The following RAB6B variants were observed in gnomAD, a reference collection of about 807,000 sequenced individuals.
RAB6B encodes the protein ras-related protein Rab-6B.
RAB6B carries 7 observed loss-of-function variants against 31.2 expected under a neutral mutation model. The ratio of observed to expected loss-of-function variants is 0.22; its 90% CI spans 0.13 to 0.42. The LOEUF (loss-of-function observed/expected upper bound fraction) is 0.42, where lower values mean the gene tolerates loss of function less well. RAB6B is among the 10% of genes least tolerant of loss of function. The pLI, the probability that RAB6B is intolerant of heterozygous loss-of-function variation, is 1.00. For synonymous variants in RAB6B, 105 were observed against 104.9 expected (o/e 1.00, Z -0.01); for missense variants, 149 against 280.6 (o/e 0.53, Z 3.35).
At chr3:133,857,063 C>T (rs1357650752) in intron 2 of RAB6B, among the ~76,000 whole-genome samples, 1 of 152,220 alleles carries the variant, frequency 6.6e-6, no homozygotes, top group African/African-American at 2.4e-5. Flanking sequence ...CACAAGTGCA[C>T]ATGCAGGGAT....
At chr3:133,838,291 C>A (rs1935771999) in intron 5 of RAB6B, 32 bp from the exon 6 acceptor site, 2 of 1,593,072 alleles carry the variant, frequency 1.3e-6, no homozygotes, top group Non-Finnish European at 1.7e-6. Flanking sequence ...GAAATCAGCT[C>A]AGCAGAGAAG....
intron 2 of RAB6B, among the ~76,000 whole-genome samples, chr3:133,859,640 G>C (rs1936130678): frequency 6.6e-6 from 1 of 152,192 alleles, no homozygotes; most frequent in Non-Finnish European, 1.5e-5. Flanking sequence ...AGAATGTGCT[G>C]ACCTGGAAAG....
intron 1 of RAB6B, among the ~76,000 whole-genome samples, chr3:133,865,367 T>C (rs1266815818): frequency 6.6e-6 from 1 of 152,232 alleles, no homozygotes; most frequent in East Asian, 1.9e-4. Flanking sequence ...AGGACGTCTC[T>C]TGGGAATCCT....
rs769213051 is a variant in RAB6B, at chr3:133,828,511, A to G, written c.*277T>C. The G allele has an allele frequency of 2.1e-6, 1 of 482,292 alleles. No individual in the cohort carries two copies. Among genetic ancestry groups the G allele is most frequent in the Non-Finnish European group, 3.6e-6 (1 of 274,384 alleles). The allele number at this position is 482,292 out of a possible 1,614,324, so 29.9% of individuals were successfully genotyped here. A position where few individuals can be genotyped will look rare whatever the true frequency, so the allele number is the denominator to read the frequency against. On this transcript the variant is annotated 3_prime_UTR_variant, in exon 8 of 8. Coordinates refer to ENST00000285208, the MANE Select transcript of RAB6B (RefSeq NM_016577.4). ...GCAAAAAATTGTATACACATGATTT[A>G]AATTTTTTTTAAATTTTAACAGTTT...
chr3:133,885,805 AT>A (rs1936537034), intron 1 of RAB6B: 1 of 589,786 alleles, frequency 1.7e-6, no homozygotes, highest in Non-Finnish European at 3.0e-6. Flanking sequence ...AAGAGAAAGA[AT>A]CAAGAAAATA....
chr3:133,833,951 T>C (rs377355650), intron 7 of RAB6B, among the ~76,000 whole-genome samples: 19 of 152,338 alleles, frequency 1.2e-4, no homozygotes, highest in African/African-American at 4.6e-4. Flanking sequence ...GAAGCAAGCC[T>C]GAGTGTGAAT....
chr3:133,871,021 C>A (rs915067298), intron 1 of RAB6B, among the ~76,000 whole-genome samples: 1 of 152,228 alleles, frequency 6.6e-6, no homozygotes, highest in African/African-American at 2.4e-5. Flanking sequence ...GGGCCCCAGG[C>A]CCCCATCTCA....
At chr3:133,878,441 A>C (rs1158537807) in intron 1 of RAB6B, among the ~76,000 whole-genome samples, 1 of 152,078 alleles carries the variant, frequency 6.6e-6, no homozygotes, top group Non-Finnish European at 1.5e-5. Flanking sequence ...TCCAGGGACA[A>C]CATCTTTCAA....
At chr3:133,895,376 G>C (rs1329381265) in intron 1 of RAB6B, 21 bp downstream of exon 1, 1 of 1,607,530 alleles carries the variant, frequency 6.2e-7, no homozygotes, top group African/African-American at 1.3e-5. Context: ...GACAAGCCAA[G>C]AGATTAAGCC....
Position 133,839,530 on chromosome 3 carries a change from T to C in RAB6B, c.377A>G (p.Asn126Ser). ...CCTCTTATCAGCCAGGTCCGTCTTGTTGCCCACCAGCATGATGATAACATC... is the reference window on the plus strand; with the variant it reads ...CCTCTTATCAGCCAGGTCCGTCTTGCTGCCCACCAGCATGATGATAACATC... ...GSDVIIMLVG[N>S]KTDLADKRQI... Residue 126 changes from asparagine (N) to serine (S), a missense_variant, in exon 5 of 8, where the codon AAC (asparagine) becomes AGC (serine). Transcript: ENST00000285208. 1 of 1,614,168 alleles carries C rather than the reference T, an allele frequency of 6.2e-7. No individual in the cohort carries two copies. Among genetic ancestry groups the C allele is most frequent in the Non-Finnish European group, 8.5e-7 (1 of 1,179,972 alleles).
At chr3:133,844,905 T>G (rs903866643) in intron 2 of RAB6B, among the ~76,000 whole-genome samples, 1 of 151,118 alleles carries the variant, frequency 6.6e-6, no homozygotes, top group Non-Finnish European at 1.5e-5. Flanking sequence ...ATGACACTAC[T>G]GTACTCCAGG....
At chr3:133,879,112 T>C (rs1049313450) in intron 1 of RAB6B, among the ~76,000 whole-genome samples, 4 of 152,200 alleles carry the variant, frequency 2.6e-5, no homozygotes, top group Non-Finnish European at 4.4e-5. Context: ...AGGACAAAAA[T>C]GCCTATCTCA....
At position 133,826,956 on chromosome 3, in the gene RAB6B, T is replaced by TATAAAAACTAAACACATGACATCTGAA. The variant is rs2107982304; in HGVS notation, c.*1805_*1831dup. ...CTCTATATATAATTATGTACACACA[T>TATAAAAACTAAACACATGACATCTGAA]ATAAAAACTAAACACATGACATCTG... is the stretch of plus-strand genomic sequence containing the variant. On this transcript the variant is annotated 3_prime_UTR_variant, in exon 8 of 8. Transcript: ENST00000285208. 6.5e-6 allele frequency: 1 copy of TATAAAAACTAAACACATGACATCTGAA among 152,788 alleles called. No homozygotes were observed. The highest frequency in any genetic ancestry group is 1.9e-4 in the East Asian group (1 of 5,186). 9.5% of individuals were successfully genotyped at this position (152,788 alleles called of 1,614,324 possible). A position where few individuals can be genotyped will look rare whatever the true frequency, so the allele number is the denominator to read the frequency against.
chr3:133,863,395 C>T (rs1936191121), intron 2 of RAB6B, among the ~76,000 whole-genome samples: 2 of 152,222 alleles, frequency 1.3e-5, no homozygotes, highest in Non-Finnish European at 2.9e-5. Flanking sequence ...TACAGAGCTG[C>T]AGTCTGCAGT....
chr3:133,885,391 G>C (rs1936532401), intron 1 of RAB6B: 2 of 695,510 alleles, frequency 2.9e-6, no homozygotes, highest in Non-Finnish European at 5.2e-6. Context: ...CCAATGGCCA[G>C]AGGATGGGCT....
intron 2 of RAB6B, among the ~76,000 whole-genome samples, chr3:133,849,304 T>C (rs1031841758): frequency 1.3e-5 from 2 of 152,240 alleles, no homozygotes; most frequent in African/African-American, 4.8e-5. Flanking sequence ...ACGAGTCATG[T>C]GCATCAGAAT....
rs1236953187 is a variant in RAB6B, at chr3:133,828,007, T to C, written c.*781A>G. ...GCACCTCGTCCTTCTGATGGCCTCT[T>C]GCTCTGCCAGTCCCTGAGGGCACAG... is the stretch of plus-strand genomic sequence containing the variant. On this transcript the variant is annotated 3_prime_UTR_variant, in exon 8 of 8. Coordinates refer to ENST00000285208, the MANE Select transcript of RAB6B (RefSeq NM_016577.4). 1 of 702,286 alleles carries C rather than the reference T, an allele frequency of 1.4e-6. No homozygotes were observed. Among genetic ancestry groups the C allele is most frequent in the Non-Finnish European group, 2.6e-6 (1 of 384,714 alleles). 43.5% of individuals were successfully genotyped at this position (702,286 alleles called of 1,614,324 possible).
rs144750600 is a variant in RAB6B, at chr3:133,844,742, A to G, written c.130-3079T>C. On this transcript the variant is annotated intron_variant, in intron 2 of 7. Coordinates refer to ENST00000285208, the MANE Select transcript of RAB6B (RefSeq NM_016577.4). The stretch of plus-strand genomic sequence containing the variant: ...CACTTGAGCCCAGGAGTTTGAAAGC[A>G]GCCTAGGTAACATAGTGAGACTTTG... 7.5e-3 allele frequency among the ~76,000 whole-genome samples: 1,138 copies of G among 152,268 alleles called. 13 individuals carry two copies. The highest frequency in any genetic ancestry group is 0.026 in the African/African-American group (1,083 of 41,538).
chr3:133,852,200 G>A (rs1194392407), intron 2 of RAB6B, among the ~76,000 whole-genome samples: 2 of 152,310 alleles, frequency 1.3e-5, no homozygotes, highest in East Asian at 3.9e-4. Context: ...CTGTTCTGCT[G>A]GGTACTCTAG....
Sources: allele counts gnomAD v4.1 joint callset (sites outside exome capture counted in the v4.1 genomes callset), GRCh38; gene constraint gnomAD v4.1.1; transcripts MANE v1.5; gene names NCBI Gene and HGNC (gene_info 2026-07-23, HGNC 2026-07-21).